Variants in PDGFB observed in about 807,000 individuals in gnomAD.
PDGFB encodes platelet derived growth factor subunit B.
In PDGFB, 6 loss-of-function variants were observed where a neutral mutation model predicts 29.0. That is an observed-to-expected ratio of 0.21 (90% confidence interval 0.11 to 0.41). PDGFB has a LOEUF of 0.41. PDGFB is among the 10% of genes least tolerant of loss of function. The probability of loss-of-function intolerance (pLI) is 1.00; values close to 1 mark genes in which losing one functional copy is unlikely to be tolerated. For missense variants in PDGFB, 299 were observed against 341.8 expected (o/e 0.87, Z 0.99); for synonymous variants, 144 against 140.8 (o/e 1.02, Z -0.16).
intron 2 of PDGFB, among the ~76,000 whole-genome samples, chr22:39,235,407 G>A (rs921371617): frequency 2.0e-5 from 3 of 152,188 alleles, no homozygotes; most frequent in African/African-American, 4.8e-5. Context: ...CTCACAGACC[G>A]GGCCCCTAGC....
intron 1 of PDGFB, among the ~76,000 whole-genome samples, chr22:39,239,887 C>G (rs1223062430): frequency 6.6e-6 from 1 of 152,188 alleles, no homozygotes; most frequent in East Asian, 1.9e-4. Flanking sequence ...CCCGGCCCGC[C>G]TGCCATTCCC....
At chr22:39,239,739 G>A (rs1601602282) in intron 1 of PDGFB, among the ~76,000 whole-genome samples, 2 of 152,196 alleles carry the variant, frequency 1.3e-5, no homozygotes, top group Admixed American at 6.5e-5. Context: ...CGCCCCCAGC[G>A]CCAGCTGCAG....
rs35677215 is a variant in PDGFB, at chr22:39,225,699, CCA to C, written c.*22_*23del. 2.8e-3 allele frequency: 4,544 copies of C among 1,610,292 alleles called. 111 individuals are homozygous for C. In the African/African-American group the frequency reaches 0.055, roughly 19 times the overall value. On this transcript the variant is annotated 3_prime_UTR_variant, in exon 6 of 7. Transcript: ENST00000331163. Reference sequence around the variant, plus strand: ...GTTGCCCCGCCTGGCCCTCACCTGCCCACACACTCTCCTGCCGATGCCCCTAG... The same window carrying C: ...GTTGCCCCGCCTGGCCCTCACCTGCCCACACTCTCCTGCCGATGCCCCTAG...
At chr22:39,235,488 G>A (rs553161996) in intron 2 of PDGFB, among the ~76,000 whole-genome samples, 1 of 152,294 alleles carries the variant, frequency 6.6e-6, no homozygotes, top group Non-Finnish European at 1.5e-5. Flanking sequence ...GACATACTCG[G>A]CAGATGCCCT....
At chr22:39,238,748 G>A (rs758598367) in intron 1 of PDGFB, among the ~76,000 whole-genome samples, 3 of 152,250 alleles carry the variant, frequency 2.0e-5, no homozygotes, top group Non-Finnish European at 4.4e-5. Flanking sequence ...CACAAGGTTC[G>A]TGTTGGCTCT....
chr22:39,239,753 G>A (rs1444598231), intron 1 of PDGFB, among the ~76,000 whole-genome samples: 1 of 152,228 alleles, frequency 6.6e-6, no homozygotes, highest in Non-Finnish European at 1.5e-5. Flanking sequence ...GCTGCAGCAG[G>A]TAGGAAGGGC....
intron 5 of PDGFB, among the ~76,000 whole-genome samples, chr22:39,228,893 A>AAAAAAATATAT (rs1184799325): frequency 3.8e-5 from 5 of 132,620 alleles, no homozygotes; most frequent in African/African-American, 1.0e-4. Context: ...CCTCAAAAAA[A>AAAAAAATATAT]ATATATATAT....
Position 39,224,580 on chromosome 22 carries a change from A to C in PDGFB, c.*762T>G, listed in dbSNP as rs894179167. The C allele has an allele frequency of 6.5e-6, 1 of 152,828 alleles. No homozygotes were observed. Among genetic ancestry groups the C allele is most frequent in the African/African-American group, 2.4e-5 (1 of 41,422 alleles). 9.5% of individuals were successfully genotyped at this position (152,828 alleles called of 1,614,324 possible). ...AAGGAACCAGAGGAAGAGGTGAATC[A>C]GAGTGGAGTGTGGGGAGGAAGGGGT... On this transcript the variant is annotated 3_prime_UTR_variant, in exon 7 of 7. Transcript: ENST00000331163.
Position 39,225,829 on chromosome 22 carries a change from C to G in PDGFB, c.620G>C (p.Arg207Pro). 1 of 1,612,996 alleles carries G rather than the reference C, an allele frequency of 6.2e-7. No individual in the cohort carries two copies. Among genetic ancestry groups the G allele is most frequent in the Non-Finnish European group, 8.5e-7 (1 of 1,179,224 alleles). ...QEQRAKTPQTRVTIRTVRVRR... is the reference protein window; with the variant it reads ...QEQRAKTPQTPVTIRTVRVRR... ...GACTCGCACCGTCCGAATGGTCACCCGAGTTTGGGGCGTTTTGGCTGCACA... is the reference window on the plus strand; with the variant it reads ...GACTCGCACCGTCCGAATGGTCACCGGAGTTTGGGGCGTTTTGGCTGCACA... Residue 207 changes from arginine to proline, a missense_variant, in exon 6 of 7, where the codon CGG becomes CCG. Physicochemically the swap from Arg to Pro is moderately radical, Grantham distance 103. Transcript: ENST00000331163.
Position 39,225,928 on chromosome 22 carries a change from C to T in PDGFB, c.602-81G>A, listed in dbSNP as rs1326277426. 3.4e-6 allele frequency: 5 copies of T among 1,490,374 alleles called. No homozygotes were observed. In the South Asian group the frequency reaches 4.0e-5, roughly 12 times the overall value. The allele number at this position is 1,490,374 out of a possible 1,614,324, so 92.3% of individuals were successfully genotyped here. ...CCCACTGACCAAGGCCTGCCATGGA[C>T]CTTCTGGGCTCAGGAAAGGGACAGG... On this transcript the variant is annotated intron_variant, in intron 5 of 6. Transcript: ENST00000331163.
chr22:39,235,289 C>T (rs1012268348), intron 2 of PDGFB, among the ~76,000 whole-genome samples: 1 of 152,174 alleles, frequency 6.6e-6, no homozygotes, highest in African/African-American at 2.4e-5. Flanking sequence ...CAATCCAGCC[C>T]GCCAGCCCCG....
intron 5 of PDGFB, among the ~76,000 whole-genome samples, chr22:39,228,640 G>A (rs914171697): frequency 6.6e-6 from 1 of 152,120 alleles, no homozygotes; most frequent in Non-Finnish European, 1.5e-5. Flanking sequence ...TGTAATCCCA[G>A]CACTTTGGGA....
intron 5 of PDGFB, among the ~76,000 whole-genome samples, chr22:39,226,245 C>T (rs1464857418): frequency 5.9e-5 from 9 of 152,218 alleles, no homozygotes; most frequent in Admixed American, 4.6e-4. Context: ...TTGAATCTGG[C>T]CTGGAGTTGG....
chr22:39,229,972 C>T (rs1003130292), intron 5 of PDGFB, 112 bp downstream of exon 5: 47 of 1,247,336 alleles, frequency 3.8e-5, no homozygotes, highest in Non-Finnish European at 3.6e-5. Context: ...GAAAGCCTCC[C>T]GTGAATTTAA....
chr22:39,235,229 TTAGAATAGAATG>T (rs1932413038), intron 2 of PDGFB, among the ~76,000 whole-genome samples: 1 of 151,728 alleles, frequency 6.6e-6, no homozygotes, highest in South Asian at 2.1e-4. Flanking sequence ...AGGCCAGAGG[TTAGAATAGAATG>T]GAATTTGCTC....
At chr22:39,230,818 G>A (rs4821875) in intron 4 of PDGFB, among the ~76,000 whole-genome samples, 54,176 of 152,112 alleles carry the variant, frequency 0.36, 10,462 homozygotes, top group Middle Eastern at 0.49. Context: ...AGCAGGCAGA[G>A]CATCGGGCAA....
Position 39,243,760 on chromosome 22 carries a change from C to T in PDGFB, c.63+141G>A, listed in dbSNP as rs1007608071. 1.0e-5 allele frequency: 6 copies of T among 601,048 alleles called. No individual in the cohort carries two copies. Among genetic ancestry groups the T allele is most frequent in the Admixed American group, 2.9e-5 (1 of 34,222 alleles). The allele number at this position is 601,048 out of a possible 1,614,324, so 37.2% of individuals were successfully genotyped here. A position where few individuals can be genotyped will look rare whatever the true frequency, so the allele number is the denominator to read the frequency against. ...TCACCCCCGGACCTCGCTCCCAGCC[C>T]GAAGAGGTCACCCAGCGCCCGGCGT... On this transcript the variant is annotated intron_variant, in intron 1 of 6. Transcript: ENST00000331163. This position sits in a 1 kb window ranked among gnomAD's most constrained non-coding sequence, Gnocchi z 6.4.
chr22:39,241,689 G>A (rs1932571285), intron 1 of PDGFB, among the ~76,000 whole-genome samples: 1 of 152,248 alleles, frequency 6.6e-6, no homozygotes, highest in Non-Finnish European at 1.5e-5. Context: ...GATCAGCCAA[G>A]AGAATGCAAC....
rs1932615518 is a variant in PDGFB, at chr22:39,243,274, T to TTTC, written c.63+626_63+627insGAA. Reference sequence around the variant, plus strand: ...TCCGTCTCTCTCTCTCTCTCTCTCTTTCTCTCTCTCTCTCTCTCTCTCCCT... The same window carrying TTTC: ...TCCGTCTCTCTCTCTCTCTCTCTCTTTTCTCTCTCTCTCTCTCTCTCTCTCCCT... On this transcript the variant is annotated intron_variant, in intron 1 of 6. Transcript: ENST00000331163. The surrounding 1 kb of genome is among the most constrained non-coding windows in gnomAD (Gnocchi z 6.4). 2.5e-4 allele frequency among the ~76,000 whole-genome samples: 15 copies of TTTC among 60,880 alleles called. No homozygotes were observed. The highest frequency in any genetic ancestry group is 3.2e-4 in the African/African-American group (8 of 24,872). The allele number at this position is 60,880 out of a possible 152,430, so 39.9% of individuals were successfully genotyped here. A position where few individuals can be genotyped will look rare whatever the true frequency, so the allele number is the denominator to read the frequency against.
Sources: gnomAD v4.1 joint callset for allele counts (sites outside exome capture counted in the v4.1 genomes callset) on GRCh38, gnomAD v4.1.1 for gene constraint, Gnocchi (gnomAD v3.1) non-coding constraint, MANE v1.5 for transcripts, NCBI Gene and HGNC (gene_info 2026-07-23, HGNC 2026-07-21) for gene names.